ZMYM4: variants seen among roughly 807,000 people sequenced by gnomAD.
ZMYM4 encodes the protein zinc finger MYM-type containing 4.
ZMYM4 carries 31 observed loss-of-function variants against 183.2 expected under a neutral mutation model. The ratio of observed to expected loss-of-function variants is 0.17; its 90% CI spans 0.13 to 0.23. The LOEUF (loss-of-function observed/expected upper bound fraction) is 0.23. Ranked by LOEUF, ZMYM4 falls within the 10% of genes least tolerant of loss-of-function variation. The pLI is 1.00. For missense variants in ZMYM4, 1,273 were observed against 1,840.3 expected (o/e 0.69, Z 5.64); for synonymous variants, 592 against 631.2 (o/e 0.94, Z 0.93).
intron 9 of ZMYM4, 68 bp from the exon 10 acceptor site, chr1:35,385,374 A>T (rs1644554260): frequency 6.7e-7 from 1 of 1,489,668 alleles, no homozygotes; most frequent in East Asian, 2.3e-5. Flanking sequence ...TTGAGTATAA[A>T]CATTTCGAAG....
At position 35,355,337 on chromosome 1, in the gene ZMYM4, G is replaced by A. The variant is rs148870402; in HGVS notation, c.86-3588G>A. 6.4e-3 allele frequency among the ~76,000 whole-genome samples: 959 copies of A among 149,200 alleles called. 16 individuals carry two copies. The highest frequency in any genetic ancestry group is 0.036 in the Admixed American group (536 of 14,950). ...GCTGGGATTACAGGCGTGAGCCACC[G>A]CACCCAGCCATCTGCAAGACTTTTA... is the stretch of plus-strand genomic sequence containing the variant. On this transcript the variant is annotated intron_variant, in intron 2 of 29. Coordinates refer to ENST00000314607, the MANE Select transcript of ZMYM4 (RefSeq NM_005095.3).
intron 1 of ZMYM4, 48 bp from the exon 2 acceptor site, chr1:35,325,312 A>T (rs1642459466): frequency 6.4e-7 from 1 of 1,551,480 alleles, no homozygotes; most frequent in Non-Finnish European, 8.8e-7. Flanking sequence ...AGAATGTATG[A>T]TAGAAGATAT....
At chr1:35,327,212 T>C (rs1208767460) in intron 2 of ZMYM4, among the ~76,000 whole-genome samples, 1 of 152,206 alleles carries the variant, frequency 6.6e-6, no homozygotes, top group Non-Finnish European at 1.5e-5. Context: ...GAAATGTTAT[T>C]AGAGGACCTG....
intron 7 of ZMYM4, among the ~76,000 whole-genome samples, chr1:35,378,980 A>G (rs1196834768): frequency 1.3e-5 from 2 of 152,204 alleles, no homozygotes; most frequent in Non-Finnish European, 1.5e-5. Context: ...CTAGAATTCA[A>G]GAGAATTAGG....
rs978972382 is a variant in ZMYM4 at position 35,378,491 on chromosome 1, A to G, written c.1182-2768A>G. Among the ~76,000 whole-genome samples the G allele has an allele frequency of 5.9e-5, 9 of 152,246 alleles. No homozygotes were observed. In the East Asian group the frequency reaches 1.7e-3, roughly 29 times the overall value. On this transcript the variant is annotated intron_variant, in intron 7 of 29. Coordinates refer to ENST00000314607, the MANE Select transcript of ZMYM4 (RefSeq NM_005095.3). ...GCTGCAGAATAGATACTGGGTAAGCAGGTATGAAAGTAACATTAACCTCTT... is the reference window on the plus strand; with the variant it reads ...GCTGCAGAATAGATACTGGGTAAGCGGGTATGAAAGTAACATTAACCTCTT...
At chr1:35,340,973 A>T (rs1029104122) in intron 2 of ZMYM4, among the ~76,000 whole-genome samples, 4 of 152,148 alleles carry the variant, frequency 2.6e-5, no homozygotes, top group African/African-American at 9.7e-5. Flanking sequence ...TTGTGCCACC[A>T]TAATCTTTTT....
At position 35,393,739 on chromosome 1, in the gene ZMYM4, G is replaced by A. The variant is rs1326455611; in HGVS notation, c.2911G>A (p.Glu971Lys). Residue 971 changes from glutamate (E) to lysine (K), a missense_variant and splice_region_variant, in exon 18 of 30, where the codon GAA becomes AAA. Glu to Lys is a moderately conservative substitution (Grantham distance 56). This residue lies in a region of ZMYM4 where 290 missense variants were observed against 353.3 expected (regional missense o/e 0.82). Transcript: ENST00000314607. ...TACCCAAAACAAAGAATGCCAGACA[G>A]GTATGTTCCTTGGTCTTTCTTTCTT... The part of the protein sequence containing the change: ...PHTQNKECQT[E>K]DTPSQPQIIV... The A allele has an allele frequency of 6.3e-7, 1 of 1,598,522 alleles. No individual in the cohort carries two copies. Among genetic ancestry groups the A allele is most frequent in the South Asian group, 1.1e-5 (1 of 87,636 alleles).
chr1:35,289,679 G>T (rs1640664919), intron 1 of ZMYM4, among the ~76,000 whole-genome samples: 1 of 152,040 alleles, frequency 6.6e-6, no homozygotes. Context: ...GTGCATTGTG[G>T]GATATTCAGC....
chr1:35,301,847 A>G (rs1460399392), intron 1 of ZMYM4, among the ~76,000 whole-genome samples: 2 of 152,140 alleles, frequency 1.3e-5, no homozygotes, highest in Non-Finnish European at 1.5e-5. Context: ...GGCTCCATTT[A>G]GGTTCACTCT....
chr1:35,276,250 C>G (rs1288426424), intron 1 of ZMYM4, among the ~76,000 whole-genome samples: 1 of 131,138 alleles, frequency 7.6e-6, no homozygotes, highest in East Asian at 2.7e-4. Context: ...TTCTGTCCCT[C>G]CCTCCCTCCC....
Position 35,421,873 on chromosome 1 carries a change from C to A in ZMYM4, c.*2196C>A, listed in dbSNP as rs991580754. 1 of 151,920 alleles carries A rather than the reference C, an allele frequency of 6.6e-6. No individual in the cohort carries two copies. Among genetic ancestry groups the A allele is most frequent in the Admixed American group, 6.6e-5 (1 of 15,256 alleles). The allele number at this position is 151,920 out of a possible 1,614,324, so 9.4% of individuals were successfully genotyped here. On this transcript the variant is annotated 3_prime_UTR_variant, in exon 30 of 30. Transcript: ENST00000314607. The stretch of plus-strand genomic sequence containing the variant: ...TTTTTGTTCTTTTTCAGTTTTTAAC[C>A]ACTTTTAGGTTTTCCCCTTACAGAA...
intron 24 of ZMYM4, 33 bp downstream of exon 24, chr1:35,405,227 A>G: frequency 1.9e-6 from 3 of 1,606,554 alleles, no homozygotes; most frequent in Non-Finnish European, 2.6e-6. Flanking sequence ...ATCTTGATTT[A>G]GGTAGGGGGA....
At chr1:35,332,181 A>G (rs2148836283) in intron 2 of ZMYM4, among the ~76,000 whole-genome samples, 2 of 152,252 alleles carry the variant, frequency 1.3e-5, no homozygotes, top group East Asian at 3.9e-4. Flanking sequence ...AATTTTATGC[A>G]GACTCTAGAA....
chr1:35,332,674 G>A (rs886202988), intron 2 of ZMYM4, among the ~76,000 whole-genome samples: 1 of 151,988 alleles, frequency 6.6e-6, no homozygotes, highest in Non-Finnish European at 1.5e-5. Flanking sequence ...TACTAATTCA[G>A]TGAATAAGGC....
At chr1:35,365,699 G>A (rs763863750) in intron 5 of ZMYM4, among the ~76,000 whole-genome samples, 10 of 152,134 alleles carry the variant, frequency 6.6e-5, no homozygotes, top group South Asian at 4.1e-4. Flanking sequence ...GAAGGTAAAG[G>A]TATTGGTAAA....
intron 1 of ZMYM4, among the ~76,000 whole-genome samples, chr1:35,280,836 C>G (rs1479709947): frequency 6.6e-6 from 1 of 152,090 alleles, no homozygotes; most frequent in Admixed American, 6.6e-5. Context: ...TTTCAAGACC[C>G]TTACATTAAC....
chr1:35,285,955 C>T (rs1420628596), intron 1 of ZMYM4, among the ~76,000 whole-genome samples: 1 of 152,150 alleles, frequency 6.6e-6, no homozygotes, highest in African/African-American at 2.4e-5. Context: ...TGGTGAAAGA[C>T]TGAGAGATTT....
At chr1:35,272,423 G>A (rs763230437) in intron 1 of ZMYM4, among the ~76,000 whole-genome samples, 2 of 152,152 alleles carry the variant, frequency 1.3e-5, no homozygotes, top group African/African-American at 4.8e-5. Context: ...GATAAATTGT[G>A]AACTCCTTTA....
At chr1:35,278,433 T>G (rs527636018) in intron 1 of ZMYM4, among the ~76,000 whole-genome samples, 2 of 151,854 alleles carry the variant, frequency 1.3e-5, no homozygotes, top group East Asian at 1.9e-4. Flanking sequence ...TCTGTTTTTT[T>G]TTTTTTTTTT....
Sources: gnomAD v4.1 joint callset for allele counts (sites outside exome capture counted in the v4.1 genomes callset) on GRCh38, gnomAD v4.1.1 for gene constraint, gnomAD v4.1.1 regional missense constraint, MANE v1.5 for transcripts, NCBI Gene and HGNC (gene_info 2026-07-23, HGNC 2026-07-21) for gene names.